C5AR2: variants seen among roughly 807,000 people sequenced by gnomAD.
The protein encoded by C5AR2 is complement C5a receptor 2, also known as C5a anaphylatoxin chemotactic receptor 2.
For synonymous variants in C5AR2, 224 were observed against 216.5 expected (o/e 1.03, Z -0.30); for missense variants, 458 against 467.5 (o/e 0.98, Z 0.19).
rs778332174 is a variant in C5AR2, at chr19:47,341,149, C to A, written c.350C>A (p.Thr117Asn). 6.2e-7 allele frequency: 1 copy of A among 1,601,534 alleles called. No individual in the cohort carries two copies. The highest frequency in any genetic ancestry group is 1.1e-5 in the South Asian group (1 of 91,088). Reference protein sequence around the residue: ...CRALPSIILLTMYASVLLLAA... With the variant: ...CRALPSIILLNMYASVLLLAA... Reference sequence around the variant, plus strand: ...GCGCTGCCCTCCATCATCCTGCTGACCATGTATGCCAGCGTCCTGCTCCTG... The same window carrying A: ...GCGCTGCCCTCCATCATCCTGCTGAACATGTATGCCAGCGTCCTGCTCCTG... The change falls in exon 2 of 2, where the codon ACC becomes AAC. Residue 117 changes from threonine (T) to asparagine (N), a missense_variant. Coordinates refer to ENST00000595464, the MANE Select transcript of C5AR2 (RefSeq NM_001271749.2). The surrounding 1 kb of genome is among the most constrained non-coding windows in gnomAD (Gnocchi z 4.6).
At position 47,335,482 on chromosome 19, in the gene C5AR2, C is replaced by T. The variant is rs1254205404; in HGVS notation, c.-16+3133C>T. 2.0e-5 allele frequency among the ~76,000 whole-genome samples: 3 copies of T among 151,746 alleles called. No individual in the cohort carries two copies. The East Asian group carries it at 5.8e-4, about 30-fold the overall frequency. ...GGCAAATTATATGCACAGAAAGTTT[C>T]CTGGATTGGGCTGGGCATGTTGACT... On this transcript the variant is annotated intron_variant, in intron 1 of 1. Transcript: ENST00000595464.
At chr19:47,335,468 T>C (rs1400442123) in intron 1 of C5AR2, among the ~76,000 whole-genome samples, 9 of 151,820 alleles carry the variant, frequency 5.9e-5, no homozygotes, top group African/African-American at 2.2e-4. Flanking sequence ...GCAAATTATA[T>C]GCACAGAAAG....
chr19:47,335,764 T>A (rs1392981703), intron 1 of C5AR2, among the ~76,000 whole-genome samples: 2 of 18,512 alleles, frequency 1.1e-4, no homozygotes, highest in African/African-American at 3.8e-4. Context: ...AGAGTGATAC[T>A]CCGTCTCAAA....
chr19:47,341,946 C>A lies in C5AR2; in HGVS notation c.*133C>A. The stretch of plus-strand genomic sequence containing the variant: ...TCATTCAACAGATATCCATCATGCA[C>A]TTGCTATGTGCAAGGCCTTTTTAGG... On this transcript the variant is annotated 3_prime_UTR_variant, in exon 2 of 2. Transcript: ENST00000595464. This position sits in a 1 kb window ranked among gnomAD's most constrained non-coding sequence, Gnocchi z 4.6. The A allele has an allele frequency of 2.2e-6, 2 of 906,874 alleles. No individual in the cohort carries two copies. The highest frequency in any genetic ancestry group is 3.4e-6 in the Non-Finnish European group (2 of 594,578). 56.2% of individuals were successfully genotyped at this position (906,874 alleles called of 1,614,324 possible). A position where few individuals can be genotyped will look rare whatever the true frequency, so the allele number is the denominator to read the frequency against.
chr19:47,340,226 G>A (rs552577186), intron 1 of C5AR2, among the ~76,000 whole-genome samples: 5 of 151,714 alleles, frequency 3.3e-5, no homozygotes, highest in Non-Finnish European at 5.9e-5. Context: ...CAAATCGTTG[G>A]GATTACAGGC....
intron 1 of C5AR2, among the ~76,000 whole-genome samples, chr19:47,337,348 G>A (rs750155924): frequency 7.9e-5 from 12 of 152,122 alleles, no homozygotes; most frequent in African/African-American, 1.2e-4. Context: ...GTTCTGCAGC[G>A]GGGACTAACA....
At chr19:47,333,762 G>A (rs1348221377) in intron 1 of C5AR2, among the ~76,000 whole-genome samples, 1 of 151,932 alleles carries the variant, frequency 6.6e-6, no homozygotes, top group East Asian at 1.9e-4. Context: ...GTATTTTTTA[G>A]TAGAGATGGG....
At chr19:47,334,123 C>A (rs1322682316) in intron 1 of C5AR2, among the ~76,000 whole-genome samples, 1 of 151,982 alleles carries the variant, frequency 6.6e-6, no homozygotes, top group East Asian at 1.9e-4. Flanking sequence ...CAGCGGCACC[C>A]GAGGCTGGAA....
In C5AR2 at chr19:47,341,463, G is replaced by A. The variant is rs138219631; in HGVS notation, c.664G>A (p.Ala222Thr). 1,029 of 1,611,906 alleles carry A rather than the reference G, an allele frequency of 6.4e-4. 7 individuals carry two copies. The African/African-American group carries it at 0.012, about 19-fold the overall frequency. Reference sequence around the variant, plus strand: ...GGTGGCCGTGGCCAGCTGCCACAGTGCCCTCCTGTGCTGGGCAGCCCGACG... The same window carrying A: ...GGTGGCCGTGGCCAGCTGCCACAGTACCCTCCTGTGCTGGGCAGCCCGACG... ...PLVAVASCHS[A>T]LLCWAARRCR... The change falls in exon 2 of 2, where the codon GCC becomes ACC. Residue 222 changes from alanine (A) to threonine (T), a missense_variant. Coordinates refer to ENST00000595464, the MANE Select transcript of C5AR2 (RefSeq NM_001271749.2). The surrounding 1 kb of genome is among the most constrained non-coding windows in gnomAD (Gnocchi z 4.6).
intron 1 of C5AR2, among the ~76,000 whole-genome samples, chr19:47,337,445 C>T (rs1422537363): frequency 6.6e-6 from 1 of 152,048 alleles, no homozygotes; most frequent in Non-Finnish European, 1.5e-5. Flanking sequence ...GGGCGGATCA[C>T]AAGGTCAGGA....
chr19:47,340,686 T>C (rs1039461709), intron 1 of C5AR2, 99 bp from the exon 2 acceptor site: 7 of 1,089,750 alleles, frequency 6.4e-6, no homozygotes, highest in Non-Finnish European at 9.7e-6. Flanking sequence ...AATATTCCAG[T>C]TTGCAAGGTG....
intron 1 of C5AR2, among the ~76,000 whole-genome samples, chr19:47,335,173 G>A (rs1396157582): frequency 6.6e-6 from 1 of 151,852 alleles, no homozygotes; most frequent in Admixed American, 6.6e-5. Context: ...GGGATTACAG[G>A]TGTGAGCTTC....
At chr19:47,339,255 T>G (rs1310356201) in intron 1 of C5AR2, among the ~76,000 whole-genome samples, 1 of 152,206 alleles carries the variant, frequency 6.6e-6, no homozygotes, top group Non-Finnish European at 1.5e-5. Flanking sequence ...GTCCTTGCGT[T>G]GCCCACGTGG....
At position 47,342,320 on chromosome 19, in the gene C5AR2, C is replaced by G. The variant is rs1969052676; in HGVS notation, c.*507C>G. The G allele has an allele frequency of 1.3e-5, 2 of 151,830 alleles. No homozygotes were observed. Among genetic ancestry groups the G allele is most frequent in the Non-Finnish European group, 2.9e-5 (2 of 68,036 alleles). The allele number at this position is 151,830 out of a possible 1,614,324, so 9.4% of individuals were successfully genotyped here. ...ACAGTGAGCCAAGATTGAGCCCCTGCACTCCAGCCTGGGCGACAGAGCGAG... is the reference window on the plus strand; with the variant it reads ...ACAGTGAGCCAAGATTGAGCCCCTGGACTCCAGCCTGGGCGACAGAGCGAG... On this transcript the variant is annotated 3_prime_UTR_variant, in exon 2 of 2. Coordinates refer to ENST00000595464, the MANE Select transcript of C5AR2 (RefSeq NM_001271749.2).
At chr19:47,339,609 G>A (rs1389376177) in intron 1 of C5AR2, among the ~76,000 whole-genome samples, 2 of 152,112 alleles carry the variant, frequency 1.3e-5, no homozygotes, top group African/African-American at 4.8e-5. Context: ...GAGCCACTGT[G>A]CCCGGCCCCT....
rs1969111274 is a variant in C5AR2 at position 47,345,795 on chromosome 19, A to T, written c.*3982A>T. 1 of 152,174 alleles carries T rather than the reference A, an allele frequency of 6.6e-6. No individual in the cohort carries two copies. The allele number at this position is 152,174 out of a possible 1,614,324, so 9.4% of individuals were successfully genotyped here. A position where few individuals can be genotyped will look rare whatever the true frequency, so the allele number is the denominator to read the frequency against. ...CAGCTCCTTTGAGGTAGGAGGCAGGACTCAACTCTGGAGATGGGGCTCGGC... is the reference window on the plus strand; with the variant it reads ...CAGCTCCTTTGAGGTAGGAGGCAGGTCTCAACTCTGGAGATGGGGCTCGGC... On this transcript the variant is annotated 3_prime_UTR_variant, in exon 2 of 2. Coordinates refer to ENST00000595464, the MANE Select transcript of C5AR2 (RefSeq NM_001271749.2).
At chr19:47,335,538 C>T (rs1035054535) in intron 1 of C5AR2, among the ~76,000 whole-genome samples, 2 of 151,238 alleles carry the variant, frequency 1.3e-5, no homozygotes, top group African/African-American at 2.4e-5. Context: ...TTTGGGAGGC[C>T]GAGGTGGGCG....
Position 47,341,628 on chromosome 19 carries a change from G to A in C5AR2, c.829G>A (p.Val277Met), listed in dbSNP as rs758850692. ...GGCCCTGCGGGCTGAACCCCTCATC[G>A]TGGGCCTTGCCCTCGCTCACAGCTG... Reference protein sequence around the residue: ...ARALRAEPLIVGLALAHSCLN... With the variant: ...ARALRAEPLIMGLALAHSCLN... The change falls in exon 2 of 2, where the codon GTG becomes ATG. Residue 277 changes from valine (V) to methionine (M), a missense_variant. Physicochemically the swap from Val to Met is conservative, Grantham distance 21 (BLOSUM62 1). Transcript: ENST00000595464. The surrounding 1 kb of genome is among the most constrained non-coding windows in gnomAD (Gnocchi z 4.6). 9 of 1,613,850 alleles carry A rather than the reference G, an allele frequency of 5.6e-6. No individual in the cohort carries two copies. The highest frequency in any genetic ancestry group is 1.3e-5 in the African/African-American group (1 of 74,928).
chr19:47,333,414 C>A (rs536866750), intron 1 of C5AR2, among the ~76,000 whole-genome samples: 5 of 152,248 alleles, frequency 3.3e-5, no homozygotes, highest in African/African-American at 1.2e-4. Context: ...TTTATCCATT[C>A]TGCTGTGGGT....
Sources: gnomAD v4.1 joint callset for allele counts (sites outside exome capture counted in the v4.1 genomes callset) on GRCh38, gnomAD v4.1.1 for gene constraint, Gnocchi (gnomAD v3.1) non-coding constraint, MANE v1.5 for transcripts, NCBI Gene and HGNC (gene_info 2026-07-23, HGNC 2026-07-21) for gene names.